Variants in NKAIN4 observed in about 807,000 individuals in gnomAD.
NKAIN4 encodes sodium/potassium-transporting ATPase subunit beta-1-interacting protein 4.
NKAIN4 carries 28 observed loss-of-function variants against 28.8 expected under a neutral mutation model. The observed-to-expected ratio is 0.97, with a 90% CI of 0.72 to 1.33. The LOEUF (loss-of-function observed/expected upper bound fraction) is 1.33. Among genes scored for constraint, NKAIN4 ranks in the 40% most tolerant of loss-of-function variants. NKAIN4 has a pLI of 0.00. For missense variants in NKAIN4, 289 were observed against 277.2 expected (o/e 1.04, Z -0.30); for synonymous variants, 122 against 115.6 (o/e 1.06, Z -0.36).
upstream of NKAIN4, chr20:63,254,672 A>T: frequency 6.5e-5 from 21 of 323,182 alleles, no homozygotes; most frequent in Middle Eastern, 9.1e-4. Context: ...CCGGCCGGAG[A>T]GGGGGACCGT....
chr20:63,247,632 G>A lies in NKAIN4; in HGVS notation c.417C>T (p.Ala139=). The A allele has an allele frequency of 6.5e-7, 1 of 1,548,036 alleles. No homozygotes were observed. Among genetic ancestry groups the A allele is most frequent in the East Asian group, 2.4e-5 (1 of 40,858 alleles). Reference sequence around the variant, plus strand: ...GGGCCTCCACATAGCTGGGCTCCAGGGCACAGCCAGCACCTGACACCAGGG... The same window carrying A: ...GGGCCTCCACATAGCTGGGCTCCAGAGCACAGCCAGCACCTGACACCAGGG... ...GQALVSGAGC[A]LEPSYVEALH... Residue 139 remains alanine, a synonymous_variant, in exon 4 of 7, where the codon GCC becomes GCT. Coordinates refer to ENST00000370316, the MANE Select transcript of NKAIN4 (RefSeq NM_152864.4).
rs2066925038 is a variant in NKAIN4 at position 63,249,893 on chromosome 20, T to C, written c.192+42A>G. 2.5e-6 allele frequency: 4 copies of C among 1,580,838 alleles called. No individual in the cohort carries two copies. The South Asian group carries it at 4.6e-5, about 18-fold the overall frequency. ...CATGGGAGCCGCCATCCTGGTCACC[T>C]CAACCCACCTGCCCATAAAGAGGGC... On this transcript the variant is annotated intron_variant, in intron 2 of 6. Coordinates refer to ENST00000370316, the MANE Select transcript of NKAIN4 (RefSeq NM_152864.4).
intron 4 of NKAIN4, among the ~76,000 whole-genome samples, chr20:63,244,296 C>T (rs2066816917): frequency 6.6e-6 from 1 of 152,304 alleles, no homozygotes; most frequent in African/African-American, 2.4e-5. Context: ...GCCTTCCACC[C>T]CACCCCACTC....
chr20:63,247,730 A>G lies in NKAIN4; in HGVS notation c.319T>C (p.Trp107Arg). The change falls in exon 4 of 7, where the codon TGG becomes CGG. Residue 107 changes from tryptophan to arginine, a missense_variant. Coordinates refer to ENST00000370316, the MANE Select transcript of NKAIN4 (RefSeq NM_152864.4). ...TFSLSRHRSW[W>R]RERWPGCLHE... The stretch of plus-strand genomic sequence containing the variant: ...AGACAGCCTGGCCAGCGCTCACGCC[A>G]CCAGGAGCGATGCCGGGAGAGGCTG... The G allele has an allele frequency of 6.7e-7, 1 of 1,493,786 alleles. No homozygotes were observed. The highest frequency in any genetic ancestry group is 1.3e-5 in the South Asian group (1 of 74,680). 92.5% of individuals were successfully genotyped at this position (1,493,786 alleles called of 1,614,324 possible).
At chr20:63,244,211 G>T (rs927165455) in intron 4 of NKAIN4, 127 bp from the exon 5 acceptor site, 1 of 767,628 alleles carries the variant, frequency 1.3e-6, no homozygotes, top group African/African-American at 1.7e-5. Flanking sequence ...TGGACCTCAG[G>T]TTCCTCCTCT....
intron 3 of NKAIN4, chr20:63,248,563 CA>C (rs1284740602): frequency 1.1e-5 from 5 of 462,544 alleles, no homozygotes; most frequent in Admixed American, 3.4e-5. Flanking sequence ...CCCTCTTCCC[CA>C]GCTGGAGCCC....
chr20:63,247,418 G>T, intron 4 of NKAIN4, 160 bp downstream of exon 4: 1 of 1,537,634 alleles, frequency 6.5e-7, no homozygotes. Flanking sequence ...GGACCCACCC[G>T]TGATACCTTA....
chr20:63,248,407 C>T (rs775031163), intron 3 of NKAIN4: 30 of 188,758 alleles, frequency 1.6e-4, no homozygotes, highest in Non-Finnish European at 1.3e-4. Context: ...CCCCACGTTT[C>T]CCCTGGTTCC....
chr20:63,243,099 G>A (rs1187730817), intron 5 of NKAIN4, among the ~76,000 whole-genome samples: 1 of 152,184 alleles, frequency 6.6e-6, no homozygotes, highest in African/African-American at 2.4e-5. Context: ...GGGCTTGCGG[G>A]GCAAAGTCGA....
Position 63,241,244 on chromosome 20 carries a change from T to C in NKAIN4, c.*253A>G. 1 of 512,918 alleles carries C rather than the reference T, an allele frequency of 1.9e-6. No individual in the cohort carries two copies. The highest frequency in any genetic ancestry group is 3.5e-5 in the East Asian group (1 of 28,426). The allele number at this position is 512,918 out of a possible 1,614,324, so 31.8% of individuals were successfully genotyped here. ...GGTGGGCATGTGGGGTTTTGCCTTT[T>C]CTTTTGTATGTTTTCTTTTCTTTTT... On this transcript the variant is annotated 3_prime_UTR_variant, in exon 7 of 7. Coordinates refer to ENST00000370316, the MANE Select transcript of NKAIN4 (RefSeq NM_152864.4).
In NKAIN4 at chr20:63,241,170, C is replaced by T. The variant is rs541032705; in HGVS notation, c.*327G>A. 6.3e-5 allele frequency: 21 copies of T among 334,946 alleles called. No individual in the cohort carries two copies. The highest frequency in any genetic ancestry group is 2.0e-4 in the South Asian group (6 of 30,464). The allele number at this position is 334,946 out of a possible 1,614,324, so 20.7% of individuals were successfully genotyped here. A position where few individuals can be genotyped will look rare whatever the true frequency, so the allele number is the denominator to read the frequency against. On this transcript the variant is annotated 3_prime_UTR_variant, in exon 7 of 7. Transcript: ENST00000370316. ...GGCACCTGAGGGAGGGGCTCCTCGACGAGACGACAGCCTGGGGGCAGAGCT... is the reference window on the plus strand; with the variant it reads ...GGCACCTGAGGGAGGGGCTCCTCGATGAGACGACAGCCTGGGGGCAGAGCT...
chr20:63,248,684 G>T, intron 3 of NKAIN4, 131 bp downstream of exon 3: 1 of 668,838 alleles, frequency 1.5e-6, no homozygotes, highest in Non-Finnish European at 2.7e-6. Flanking sequence ...TCTGGGTGCT[G>T]GGGACAGAGC....
rs773338934 is a variant in NKAIN4, at chr20:63,254,432, GGCCGGA to G, written c.13_18del (p.Ser5_Gly6del). The G allele has an allele frequency of 4.4e-4, 632 of 1,432,212 alleles. 1 individual carries two copies. The highest frequency in any genetic ancestry group is 5.6e-4 in the Non-Finnish European group (616 of 1,092,720). The allele number at this position is 1,432,212 out of a possible 1,614,324, so 88.7% of individuals were successfully genotyped here. The stretch of plus-strand genomic sequence containing the variant: ...GCGCAGAGGACGACGAGCGCGCAGC[GGCCGGA>G]GCAGGAGCCCATGGTGCCCGCCTAT... On this transcript the variant is annotated inframe_deletion, in exon 1 of 7. Transcript: ENST00000370316.
intron 2 of NKAIN4, 82 bp from the exon 3 acceptor site, chr20:63,248,977 T>A: frequency 2.1e-6 from 2 of 947,182 alleles, no homozygotes; most frequent in Non-Finnish European, 3.4e-6. Flanking sequence ...GGGGAAGGGG[T>A]CCCATGATCG....
At chr20:63,253,115 G>T in intron 1 of NKAIN4, 1 of 710,976 alleles carries the variant, frequency 1.4e-6, no homozygotes, top group Non-Finnish European at 1.7e-6. Flanking sequence ...TCATCCGACG[G>T]GCACTGGAGT....
At chr20:63,249,245 C>T in intron 2 of NKAIN4, 1 of 303,194 alleles carries the variant, frequency 3.3e-6, no homozygotes, top group Non-Finnish European at 6.5e-6. Flanking sequence ...CAGGCCTCCA[C>T]TGCAGAGCAC....
chr20:63,246,549 G>A (rs1023924302), intron 4 of NKAIN4: 3 of 985,322 alleles, frequency 3.0e-6, no homozygotes, highest in African/African-American at 1.7e-5. Context: ...CTCAGGCCAC[G>A]GGCTCCTTAG....
chr20:63,244,787 C>A (rs1212853607), intron 4 of NKAIN4, among the ~76,000 whole-genome samples: 1 of 152,204 alleles, frequency 6.6e-6, no homozygotes, highest in African/African-American at 2.4e-5. Context: ...AGTGCTGCCG[C>A]AGCCAGAAAC....
chr20:63,245,184 G>A lies in NKAIN4; in HGVS notation c.472-1100C>T, dbSNP rs1007753689. Among the ~76,000 whole-genome samples the A allele has an allele frequency of 1.3e-5, 2 of 152,116 alleles. No homozygotes were observed. Among genetic ancestry groups the A allele is most frequent in the African/African-American group, 4.8e-5 (2 of 41,428 alleles). ...TTTCTAGGGGTCAGTCAGGGGCCAG[G>A]AGACCTCTCTTACCACCAAGCAGGC... On this transcript the variant is annotated intron_variant, in intron 4 of 6. Coordinates refer to ENST00000370316, the MANE Select transcript of NKAIN4 (RefSeq NM_152864.4). The surrounding 1 kb of genome is among the most constrained non-coding windows in gnomAD (Gnocchi z 4.7).
Sources: allele counts gnomAD v4.1 joint callset (sites outside exome capture counted in the v4.1 genomes callset), GRCh38; gene constraint gnomAD v4.1.1; non-coding constraint Gnocchi (gnomAD v3.1); transcripts MANE v1.5; gene names NCBI Gene and HGNC (gene_info 2026-07-23, HGNC 2026-07-21).